The following PTCHD4 variants were observed in gnomAD, a reference collection of about 807,000 sequenced individuals.
The protein encoded by PTCHD4 is patched domain containing 4, also known as patched domain-containing protein 4.
In PTCHD4, 33 loss-of-function variants were observed where a neutral mutation model predicts 58.1. The observed-to-expected ratio is 0.57, with a 90% CI of 0.43 to 0.76. The LOEUF (loss-of-function observed/expected upper bound fraction) is 0.76. Ranked by LOEUF, PTCHD4 falls within the 30% of genes least tolerant of loss-of-function variation. PTCHD4 has a pLI of 0.00. For synonymous variants in PTCHD4, 478 were observed against 409.6 expected (o/e 1.17, Z -2.02); for missense variants, 1,058 against 1,027.1 (o/e 1.03, Z -0.41).
At chr6:48,107,110 C>T (rs1765747605) in intron 1 of PTCHD4, among the ~76,000 whole-genome samples, 1 of 152,044 alleles carries the variant, frequency 6.6e-6, no homozygotes, top group Non-Finnish European at 1.5e-5. Flanking sequence ...CTTTAAAGTT[C>T]ATATGGAACC....
At chr6:47,912,788 G>T (rs1392079665) in intron 4 of PTCHD4, among the ~76,000 whole-genome samples, 1 of 152,066 alleles carries the variant, frequency 6.6e-6, no homozygotes, top group Admixed American at 6.6e-5. Flanking sequence ...GCAAGGCTTT[G>T]TTCCAAGAGC....
At chr6:47,991,947 AG>A (rs1768294792) in intron 4 of PTCHD4, among the ~76,000 whole-genome samples, 2 of 152,100 alleles carry the variant, frequency 1.3e-5, no homozygotes, top group African/African-American at 4.8e-5. Flanking sequence ...AGCAAAAATA[AG>A]ACAATAGATC....
chr6:48,005,639 G>A (rs942594230), intron 4 of PTCHD4, among the ~76,000 whole-genome samples: 1 of 152,134 alleles, frequency 6.6e-6, no homozygotes, highest in Non-Finnish European at 1.5e-5. Flanking sequence ...GCAAAGCTGT[G>A]ATTTTTCTAT....
At chr6:47,926,276 G>GTAC (rs1415585919) in intron 4 of PTCHD4, among the ~76,000 whole-genome samples, 1 of 152,288 alleles carries the variant, frequency 6.6e-6, no homozygotes, top group East Asian at 1.9e-4. Context: ...GCTTAATGGT[G>GTAC]TACAATATAT....
At chr6:47,987,277 G>A (rs528349412) in intron 4 of PTCHD4, among the ~76,000 whole-genome samples, 3 of 138,908 alleles carry the variant, frequency 2.2e-5, no homozygotes, top group South Asian at 2.7e-4. Flanking sequence ...GGAAGGGGGA[G>A]GGATAACATT....
At chr6:47,997,214 G>T (rs538519662) in intron 4 of PTCHD4, among the ~76,000 whole-genome samples, 1 of 151,804 alleles carries the variant, frequency 6.6e-6, no homozygotes, top group Non-Finnish European at 1.5e-5. Context: ...GTTTTCATTC[G>T]ATGAAGTGAG....
chr6:47,893,425 T>G (rs1197468713), intron 4 of PTCHD4, among the ~76,000 whole-genome samples: 1 of 152,240 alleles, frequency 6.6e-6, no homozygotes, highest in Admixed American at 6.5e-5. Context: ...GTCAGGCATT[T>G]TGGTCCCAGT....
chr6:47,865,715 G>A lies in PTCHD4; in HGVS notation c.*12588C>T, dbSNP rs1046887409. 1.3e-5 allele frequency among the ~76,000 whole-genome samples: 2 copies of A among 151,586 alleles called. No homozygotes were observed. Among genetic ancestry groups the A allele is most frequent in the South Asian group, 4.2e-4 (2 of 4,814 alleles). On this transcript the variant is annotated 3_prime_UTR_variant, in exon 5 of 5. Transcript: ENST00000339488. ...AACAGCCTCCTAACTTAATTCTTTGGTTCAGGTCTCTCATCTCCAGTCTAA... is the reference window on the plus strand; with the variant it reads ...AACAGCCTCCTAACTTAATTCTTTGATTCAGGTCTCTCATCTCCAGTCTAA...
intron 4 of PTCHD4, among the ~76,000 whole-genome samples, chr6:47,957,896 G>A (rs1194889480): frequency 2.0e-5 from 3 of 152,056 alleles, no homozygotes; most frequent in South Asian, 2.1e-4. Flanking sequence ...GAGCCACCGC[G>A]CCCGGCCATA....
intron 4 of PTCHD4, among the ~76,000 whole-genome samples, chr6:47,967,942 C>G (rs765540081): frequency 1.3e-5 from 2 of 152,152 alleles, no homozygotes; most frequent in South Asian, 4.1e-4. Flanking sequence ...GTTTCACTGT[C>G]TTGTCATTCA....
chr6:47,952,004 T>C (rs1419976900), intron 4 of PTCHD4, among the ~76,000 whole-genome samples: 1 of 152,182 alleles, frequency 6.6e-6, no homozygotes, highest in Non-Finnish European at 1.5e-5. Context: ...TTCCTGATTA[T>C]GCTATGGCAA....
intron 4 of PTCHD4, among the ~76,000 whole-genome samples, chr6:47,909,416 A>G (rs1338811274): frequency 6.6e-6 from 1 of 152,138 alleles, no homozygotes; most frequent in Non-Finnish European, 1.5e-5. Context: ...TGCAATGCAT[A>G]TTTTCTTAAT....
intron 4 of PTCHD4, among the ~76,000 whole-genome samples, chr6:47,939,568 T>G (rs1472666412): frequency 6.6e-6 from 1 of 152,070 alleles, no homozygotes; most frequent in Non-Finnish European, 1.5e-5. Flanking sequence ...TTCTGCTCTG[T>G]GTCAGTGATT....
Position 48,097,382 on chromosome 6 carries a change from A to G in PTCHD4, c.-970+13667T>C, listed in dbSNP as rs551528989. Among the ~76,000 whole-genome samples, 6 of 152,320 alleles carry G rather than the reference A, an allele frequency of 3.9e-5. No homozygotes were observed. In the South Asian group the frequency reaches 1.2e-3, roughly 32 times the overall value. ...AAAATCTCCTAAAAGAGGCATCATT[A>G]TCCCATCTGAAAGACAAGGAAATTG... is the stretch of plus-strand genomic sequence containing the variant. On this transcript the variant is annotated intron_variant, in intron 1 of 4. Transcript: ENST00000339488.
At chr6:48,071,470 T>A (rs930313553) in intron 1 of PTCHD4, among the ~76,000 whole-genome samples, 8 of 152,208 alleles carry the variant, frequency 5.3e-5, no homozygotes, top group Non-Finnish European at 8.8e-5. Context: ...CATTAGAATG[T>A]TTCCGTTTAT....
At chr6:47,934,522 G>A (rs1765935231) in intron 4 of PTCHD4, among the ~76,000 whole-genome samples, 1 of 152,018 alleles carries the variant, frequency 6.6e-6, no homozygotes, top group African/African-American at 2.4e-5. Context: ...TAATCTAGTA[G>A]CATAAAAATA....
In PTCHD4 at chr6:47,860,597, C is replaced by T. The variant is rs1381484340; in HGVS notation, c.*17706G>A. ...TCTTTCTTTACATTAGCACTACTGCCCATTCTTCACAATGTCTATCTTCCT... is the reference window on the plus strand; with the variant it reads ...TCTTTCTTTACATTAGCACTACTGCTCATTCTTCACAATGTCTATCTTCCT... On this transcript the variant is annotated 3_prime_UTR_variant, in exon 5 of 5. Transcript: ENST00000339488. Among the ~76,000 whole-genome samples, 1 of 151,956 alleles carries T rather than the reference C, an allele frequency of 6.6e-6. No homozygotes were observed. Among genetic ancestry groups the T allele is most frequent in the African/African-American group, 2.4e-5 (1 of 41,414 alleles).
intron 1 of PTCHD4, among the ~76,000 whole-genome samples, chr6:48,109,725 CA>C (rs1765824199): frequency 1.3e-5 from 2 of 151,792 alleles, no homozygotes; most frequent in East Asian, 1.9e-4. Context: ...AACAAAACCC[CA>C]AAAAACAAAA....
chr6:47,888,618 T>G (rs1363592725), intron 4 of PTCHD4, among the ~76,000 whole-genome samples: 1 of 152,112 alleles, frequency 6.6e-6, no homozygotes, highest in African/African-American at 2.4e-5. Context: ...TTTTGACAAT[T>G]TATTTTGTAG....
Sources: gnomAD v4.1 joint callset for allele counts (sites outside exome capture counted in the v4.1 genomes callset) on GRCh38, gnomAD v4.1.1 for gene constraint, MANE v1.5 for transcripts, NCBI Gene and HGNC (gene_info 2026-07-23, HGNC 2026-07-21) for gene names.